CDC42BPA: variants seen among roughly 807,000 people sequenced by gnomAD.
CDC42BPA encodes serine/threonine-protein kinase MRCK alpha.
Under a neutral mutation model 223.5 loss-of-function variants are expected in CDC42BPA, and 80 were observed. The observed-to-expected ratio is 0.36, with a 90% CI of 0.30 to 0.43. The LOEUF is 0.43. Ranked by LOEUF, CDC42BPA falls within the 20% of genes least tolerant of loss-of-function variation. CDC42BPA has a pLI of 1.00. For missense variants in CDC42BPA, 1,743 were observed against 2,099.9 expected (o/e 0.83, Z 3.32); for synonymous variants, 694 against 718.6 (o/e 0.97, Z 0.55).
At chr1:227,287,840 T>C (rs570796431) in intron 1 of CDC42BPA, among the ~76,000 whole-genome samples, 2 of 152,310 alleles carry the variant, frequency 1.3e-5, no homozygotes, top group South Asian at 4.1e-4. Flanking sequence ...GTTGGTAATG[T>C]TCAACATCGT....
chr1:227,116,365 T>C (rs1057045617), intron 12 of CDC42BPA, among the ~76,000 whole-genome samples: 19 of 152,178 alleles, frequency 1.2e-4, no homozygotes, highest in African/African-American at 4.6e-4. Flanking sequence ...TCAGTATCCA[T>C]TCTAAATAAA....
chr1:227,147,474 C>G lies in CDC42BPA; in HGVS notation c.779G>C (p.Gly260Ala). The change falls in exon 7 of 37, where the codon GGA becomes GCA. Residue 260 changes from glycine to alanine, a missense_variant. By Grantham distance (60) the Gly-to-Ala change is moderately conservative. Transcript: ENST00000366766. ...QAMEDGKGRY[G>A]PECDWWSLGV... ...CAAAGACCACCAGTCACATTCAGGT[C>G]CATATCTCCCTTTTCCATCTTCCAT... 1 of 1,613,300 alleles carries G rather than the reference C, an allele frequency of 6.2e-7. No homozygotes were observed. The highest frequency in any genetic ancestry group is 8.5e-7 in the Non-Finnish European group (1 of 1,179,468).
chr1:227,134,103 T>G (rs1658003124), intron 10 of CDC42BPA, among the ~76,000 whole-genome samples: 1 of 152,210 alleles, frequency 6.6e-6, no homozygotes, highest in Non-Finnish European at 1.5e-5. Flanking sequence ...ACTTCAACAA[T>G]TTTTCATTCC....
At chr1:227,135,557 T>C (rs1658311509) in intron 10 of CDC42BPA, among the ~76,000 whole-genome samples, 1 of 152,026 alleles carries the variant, frequency 6.6e-6, no homozygotes, top group South Asian at 2.1e-4. Flanking sequence ...TGAGTCTAAT[T>C]AAAAATGCAA....
At chr1:227,171,274 T>C (rs1360161744) in intron 5 of CDC42BPA, among the ~76,000 whole-genome samples, 1 of 152,218 alleles carries the variant, frequency 6.6e-6, no homozygotes, top group Non-Finnish European at 1.5e-5. Context: ...GTAAATAAGA[T>C]TTGGGTTAAA....
At chr1:227,090,977 T>C (rs1378484500) in intron 16 of CDC42BPA, among the ~76,000 whole-genome samples, 1 of 152,224 alleles carries the variant, frequency 6.6e-6, no homozygotes, top group African/African-American at 2.4e-5. Context: ...TGGCTACTTC[T>C]CAGTTCAATA....
chr1:226,995,468 A>AT (rs773131058), intron 35 of CDC42BPA, among the ~76,000 whole-genome samples: 21 of 151,928 alleles, frequency 1.4e-4, no homozygotes, highest in Non-Finnish European at 2.8e-4. Context: ...CTCAAAACAG[A>AT]TGCGCTAAAT....
intron 26 of CDC42BPA, among the ~76,000 whole-genome samples, chr1:227,033,695 C>G (rs1669732431): frequency 6.6e-6 from 1 of 152,148 alleles, no homozygotes; most frequent in South Asian, 2.1e-4. Flanking sequence ...GGATTTGAAC[C>G]CTGGTAGGTC....
intron 27 of CDC42BPA, among the ~76,000 whole-genome samples, chr1:227,032,814 T>C (rs1378164379): frequency 6.6e-6 from 1 of 152,078 alleles, no homozygotes; most frequent in East Asian, 1.9e-4. Context: ...AAGAGCAAGG[T>C]CATTAGATGT....
chr1:227,289,741 A>G (rs7540055), intron 1 of CDC42BPA, among the ~76,000 whole-genome samples: 78,440 of 151,932 alleles, frequency 0.52, 20,339 homozygotes, highest in South Asian at 0.61. Context: ...AAAAAACAAC[A>G]AATCTTAAGG....
At chr1:227,098,372 C>T (rs950966047) in intron 15 of CDC42BPA, among the ~76,000 whole-genome samples, 3 of 152,140 alleles carry the variant, frequency 2.0e-5, no homozygotes, top group African/African-American at 7.2e-5. Flanking sequence ...CCTCCTGCCC[C>T]CAAATCCAGG....
chr1:227,102,012 A>G (rs1285566736), intron 14 of CDC42BPA, among the ~76,000 whole-genome samples: 1 of 152,178 alleles, frequency 6.6e-6, no homozygotes, highest in African/African-American at 2.4e-5. Flanking sequence ...AAAGGTCATT[A>G]ATTTGTTATA....
chr1:227,059,542 T>C lies in CDC42BPA; in HGVS notation c.2905-7557A>G. ...AAGCCACAGTTTTGGATAGGTTGAA[T>C]GTACATGTATTTTTAGGAAAAACTG... On this transcript the variant is annotated intron_variant, in intron 21 of 36. Coordinates refer to ENST00000366766, the MANE Select transcript of CDC42BPA (RefSeq NM_001394014.1). 11 of 786,758 alleles carry C rather than the reference T, an allele frequency of 1.4e-5. 1 individual carries two copies. In the South Asian group the frequency reaches 1.9e-4, roughly 14 times the overall value. The allele number at this position is 786,758 out of a possible 1,614,324, so 48.7% of individuals were successfully genotyped here. A position where few individuals can be genotyped will look rare whatever the true frequency, so the allele number is the denominator to read the frequency against.
intron 5 of CDC42BPA, among the ~76,000 whole-genome samples, chr1:227,184,688 T>C (rs1668470695): frequency 6.6e-6 from 1 of 152,146 alleles, no homozygotes; most frequent in Non-Finnish European, 1.5e-5. Flanking sequence ...TAAGCTTGTC[T>C]CTATCTAAAG....
intron 2 of CDC42BPA, among the ~76,000 whole-genome samples, chr1:227,253,607 A>AATAAATAAATAC (rs368046447): frequency 0.031 from 3,652 of 116,456 alleles, 93 homozygotes; most frequent in South Asian, 0.086. Flanking sequence ...AAAATAAATA[A>AATAAATAAATAC]ATACATACAT....
Position 227,069,871 on chromosome 1 carries a change from C to A in CDC42BPA, c.2828-18G>T, listed in dbSNP as rs1677912308. 6.3e-7 allele frequency: 1 copy of A among 1,585,572 alleles called. No individual in the cohort carries two copies. The highest frequency in any genetic ancestry group is 8.6e-7 in the Non-Finnish European group (1 of 1,156,476). ...CTCTATACCTAGAAGACAGCAGCAA[C>A]TTTTTTTAAGGCTACAACAATTAAA... On this transcript the variant is annotated intron_variant, in intron 20 of 36. Transcript: ENST00000366766.
intron 14 of CDC42BPA, among the ~76,000 whole-genome samples, chr1:227,109,765 A>G (rs1686600038): frequency 6.6e-6 from 1 of 151,704 alleles, no homozygotes; most frequent in Non-Finnish European, 1.5e-5. Context: ...AGACACAAAC[A>G]CACACATTAA....
At chr1:227,170,937 T>C (rs1024062890) in intron 5 of CDC42BPA, among the ~76,000 whole-genome samples, 3 of 152,218 alleles carry the variant, frequency 2.0e-5, no homozygotes, top group Non-Finnish European at 2.9e-5. Context: ...AGTGGAACAG[T>C]AGCCCAACAA....
chr1:227,147,582 TA>T (rs776448755), intron 6 of CDC42BPA, 23 bp from the exon 7 acceptor site: 3 of 1,328,784 alleles, frequency 2.3e-6, no homozygotes, highest in Non-Finnish European at 3.1e-6. Flanking sequence ...ACATTTTTAT[TA>T]ATCTCCTATA....
Sources: gnomAD v4.1 joint callset for allele counts (sites outside exome capture counted in the v4.1 genomes callset) on GRCh38, gnomAD v4.1.1 for gene constraint, MANE v1.5 for transcripts, NCBI Gene and HGNC (gene_info 2026-07-23, HGNC 2026-07-21) for gene names.